Variants in RAB7A observed in about 807,000 individuals in gnomAD.
The protein encoded by RAB7A is RAB7A, member RAS oncogene family, also known as ras-related protein Rab-7a.
In RAB7A, 2 loss-of-function variants were observed where a neutral mutation model predicts 24.5. The ratio of observed to expected loss-of-function variants is 0.08; its 90% confidence interval spans 0.03 to 0.26. The LOEUF (loss-of-function observed/expected upper bound fraction) is 0.26. Among genes scored for constraint, RAB7A ranks in the 10% least tolerant of loss-of-function variants. RAB7A has a pLI of 1.00. For synonymous variants in RAB7A, 100 were observed against 95.9 expected (o/e 1.04, Z -0.25); for missense variants, 118 against 255.7 (o/e 0.46, Z 3.67).
At chr3:128,774,604 C>T (rs1391485228) in intron 1 of RAB7A, among the ~76,000 whole-genome samples, 3 of 151,706 alleles carry the variant, frequency 2.0e-5, no homozygotes, top group South Asian at 2.1e-4. Context: ...GACGGAGTCT[C>T]GCTCTGTTGC....
At chr3:128,740,329 C>T (rs183035139) in intron 1 of RAB7A, among the ~76,000 whole-genome samples, 3 of 152,114 alleles carry the variant, frequency 2.0e-5, no homozygotes, top group African/African-American at 7.2e-5. Flanking sequence ...GGCCGTGAGC[C>T]GAGATGGCGC....
At chr3:128,777,486 G>T (rs1215366307) in intron 1 of RAB7A, among the ~76,000 whole-genome samples, 1 of 152,136 alleles carries the variant, frequency 6.6e-6, no homozygotes, top group African/African-American at 2.4e-5. Flanking sequence ...ACTGCACCCA[G>T]CCTCTATTGT....
At chr3:128,786,593 T>C (rs1933347201) in intron 1 of RAB7A, among the ~76,000 whole-genome samples, 1 of 152,152 alleles carries the variant, frequency 6.6e-6, no homozygotes, top group Admixed American at 6.6e-5. Flanking sequence ...GGTGAAAGTG[T>C]GGAATGTTAC....
At chr3:128,755,422 C>A (rs1462094627) in intron 1 of RAB7A, among the ~76,000 whole-genome samples, 1 of 151,864 alleles carries the variant, frequency 6.6e-6, no homozygotes, top group Non-Finnish European at 1.5e-5. Context: ...GATCTCAAAT[C>A]ACCAATCTAA....
rs1411004802 is a variant in RAB7A, at chr3:128,814,082, A to G, written c.*660A>G. The G allele has an allele frequency of 6.4e-6, 1 of 157,068 alleles. No homozygotes were observed. Among genetic ancestry groups the G allele is most frequent in the Non-Finnish European group, 1.4e-5 (1 of 70,526 alleles). The allele number at this position is 157,068 out of a possible 1,614,324, so 9.7% of individuals were successfully genotyped here. A position where few individuals can be genotyped will look rare whatever the true frequency, so the allele number is the denominator to read the frequency against. On this transcript the variant is annotated 3_prime_UTR_variant, in exon 6 of 6. Transcript: ENST00000265062. The stretch of plus-strand genomic sequence containing the variant: ...TAATATATGCAACCAATTAAAATGT[A>G]TAAATTAGTGTAAGAAATTCTTGGA...
intron 1 of RAB7A, among the ~76,000 whole-genome samples, chr3:128,789,843 T>C (rs529330894): frequency 1.3e-5 from 2 of 148,594 alleles, no homozygotes; most frequent in African/African-American, 5.0e-5. Context: ...CATGCTAGAG[T>C]GCAGTGGTGT....
intron 1 of RAB7A, among the ~76,000 whole-genome samples, chr3:128,752,480 A>C (rs1435504049): frequency 6.6e-6 from 1 of 152,100 alleles, no homozygotes; most frequent in Non-Finnish European, 1.5e-5. Context: ...AAGACAAAGT[A>C]GAGAAAAAAG....
intron 1 of RAB7A, among the ~76,000 whole-genome samples, chr3:128,768,899 C>T (rs944144310): frequency 6.0e-5 from 9 of 151,244 alleles, no homozygotes; most frequent in Admixed American, 3.3e-4. Context: ...GTTGTACAAC[C>T]GTCACCATCT....
intron 1 of RAB7A, among the ~76,000 whole-genome samples, chr3:128,772,280 A>G (rs1932970015): frequency 6.6e-6 from 1 of 152,238 alleles, no homozygotes; most frequent in African/African-American, 2.4e-5. Flanking sequence ...AAAGGCTAGA[A>G]TCATATAACC....
intron 1 of RAB7A, among the ~76,000 whole-genome samples, chr3:128,754,734 A>G (rs979051521): frequency 1.2e-4 from 18 of 152,322 alleles, no homozygotes; most frequent in African/African-American, 4.3e-4. Flanking sequence ...ATAGTAACCA[A>G]AAGAGATCGG....
intron 4 of RAB7A, 90 bp downstream of exon 4, chr3:128,806,680 C>G (rs1933810878): frequency 1.2e-5 from 15 of 1,285,906 alleles, no homozygotes; most frequent in Admixed American, 1.9e-5. Context: ...GCTCACATGG[C>G]TCTAGGAGGT....
chr3:128,763,208 A>ATATATTTTTT (rs373993932), intron 1 of RAB7A, among the ~76,000 whole-genome samples: 1 of 76,058 alleles, frequency 1.3e-5, no homozygotes, highest in African/African-American at 8.2e-5. Flanking sequence ...ATATATATAT[A>ATATATTTTTT]TTTTTTTTTT....
chr3:128,791,451 T>C (rs1296987979), intron 1 of RAB7A, among the ~76,000 whole-genome samples: 1 of 152,216 alleles, frequency 6.6e-6, no homozygotes, highest in Non-Finnish European at 1.5e-5. Flanking sequence ...AAAACTTTGC[T>C]CTGGACTCAG....
intron 1 of RAB7A, among the ~76,000 whole-genome samples, chr3:128,767,772 G>A (rs1306950326): frequency 6.6e-6 from 1 of 152,210 alleles, no homozygotes; most frequent in East Asian, 1.9e-4. Context: ...AATCGTGAAT[G>A]CAGTGAGAAC....
chr3:128,773,370 G>A (rs1471724717), intron 1 of RAB7A, among the ~76,000 whole-genome samples: 31 of 150,906 alleles, frequency 2.1e-4, no homozygotes, highest in East Asian at 7.8e-4. Context: ...CAGCCGCCCC[G>A]TCTGAGAAGT....
chr3:128,728,432 G>A (rs147963631), intron 1 of RAB7A, among the ~76,000 whole-genome samples: 25 of 152,238 alleles, frequency 1.6e-4, no homozygotes, highest in African/African-American at 5.3e-4. Context: ...CACTCAACTT[G>A]TTTCTCCTTT....
intron 1 of RAB7A, among the ~76,000 whole-genome samples, chr3:128,755,165 T>A (rs925103327): frequency 6.6e-6 from 1 of 152,150 alleles, no homozygotes; most frequent in Admixed American, 6.5e-5. Flanking sequence ...GTATTTTCTT[T>A]GACAAAATGG....
intron 1 of RAB7A, among the ~76,000 whole-genome samples, chr3:128,763,868 C>G (rs1311716828): frequency 1.9e-5 from 1 of 52,012 alleles, no homozygotes; most frequent in African/African-American, 1.8e-4. Context: ...ATTCCCGCCC[C>G]CCCCCCCGCC....
At chr3:128,747,790 AC>A (rs1404313222) in intron 1 of RAB7A, among the ~76,000 whole-genome samples, 7 of 150,824 alleles carry the variant, frequency 4.6e-5, no homozygotes, top group Non-Finnish European at 4.4e-5. Flanking sequence ...GTTTTTTGAG[AC>A]GAGTCTCACT....
Sources: gnomAD v4.1 joint callset for allele counts (sites outside exome capture counted in the v4.1 genomes callset) on GRCh38, gnomAD v4.1.1 for gene constraint, MANE v1.5 for transcripts, NCBI Gene and HGNC (gene_info 2026-07-23, HGNC 2026-07-21) for gene names.